GSAP: variants seen among roughly 807,000 people sequenced by gnomAD.
GSAP encodes the protein gamma-secretase activating protein.
Under a neutral mutation model 131.7 loss-of-function variants are expected in GSAP, and 118 were observed. The observed-to-expected ratio is 0.90, with a 90% CI of 0.77 to 1.04. GSAP has a LOEUF of 1.04. Ranked by LOEUF, GSAP falls within the 50% of genes least tolerant of loss-of-function variation. GSAP has a pLI of 0.00. For synonymous variants in GSAP, 381 were observed against 363.4 expected, an observed-to-expected ratio of 1.05 and a Z score of -0.55; for missense variants, 1,019 against 1,013.2, an observed-to-expected ratio of 1.01 and a Z score of -0.08.
chr7:77,389,011 T>G (rs1401212202), intron 5 of GSAP, among the ~76,000 whole-genome samples: 1 of 152,140 alleles, frequency 6.6e-6, no homozygotes, highest in African/African-American at 2.4e-5. Flanking sequence ...TGAGTTACTT[T>G]GGGAATCTAC....
intron 1 of GSAP, among the ~76,000 whole-genome samples, chr7:77,413,790 G>T (rs780876589): frequency 4.6e-5 from 7 of 151,950 alleles, no homozygotes; most frequent in Non-Finnish European, 1.0e-4. Flanking sequence ...GCACATAAGA[G>T]ACTTCAAGAG....
At chr7:77,385,598 C>A (rs1798448957) in intron 6 of GSAP, among the ~76,000 whole-genome samples, 1 of 152,126 alleles carries the variant, frequency 6.6e-6, no homozygotes, top group African/African-American at 2.4e-5. Flanking sequence ...TCCCCAGCCT[C>A]CCCACATTGA....
chr7:77,312,760 G>A (rs927503599), intron 28 of GSAP, among the ~76,000 whole-genome samples: 6 of 152,248 alleles, frequency 3.9e-5, no homozygotes, highest in African/African-American at 1.4e-4. Context: ...GGTCCAGAAA[G>A]GTAACAGACA....
intron 12 of GSAP, among the ~76,000 whole-genome samples, chr7:77,368,611 T>C (rs1217620033): frequency 3.9e-5 from 6 of 152,218 alleles, no homozygotes; most frequent in African/African-American, 9.6e-5. Context: ...TGAACCCAGA[T>C]TGAGAACCAC....
intron 6 of GSAP, 82 bp from the exon 7 acceptor site, chr7:77,382,725 C>T (rs6972651): frequency 0.11 from 77,272 of 725,192 alleles, 5,414 homozygotes; most frequent in South Asian, 0.24. Flanking sequence ...GATGACTGTA[C>T]TATTACATAC....
intron 5 of GSAP, among the ~76,000 whole-genome samples, chr7:77,391,627 C>T (rs4729373): frequency 0.12 from 18,685 of 152,040 alleles, 1,649 homozygotes; most frequent in East Asian, 0.4. Flanking sequence ...AATTTGAGAC[C>T]AGCCTGGGCA....
chr7:77,343,861 C>T lies in GSAP; in HGVS notation c.1545+5490G>A, dbSNP rs560732425. Among the ~76,000 whole-genome samples the T allele has an allele frequency of 1.4e-3, 217 of 152,284 alleles. 2 individuals are homozygous for T. Among genetic ancestry groups the T allele is most frequent in the African/African-American group, 5.0e-3 (206 of 41,542 alleles). On this transcript the variant is annotated intron_variant, in intron 19 of 30. Coordinates refer to ENST00000257626, the MANE Select transcript of GSAP (RefSeq NM_017439.4). ...CGCTAGCCCATCTCTTAGAACCTCTCGTTTCCTTTCCACCGTGGAAATCTA... is the reference window on the plus strand; with the variant it reads ...CGCTAGCCCATCTCTTAGAACCTCTTGTTTCCTTTCCACCGTGGAAATCTA...
chr7:77,357,931 T>C (rs1793995829), intron 14 of GSAP, among the ~76,000 whole-genome samples: 1 of 152,240 alleles, frequency 6.6e-6, no homozygotes. Context: ...ATACAGGATA[T>C]GCTAACTAGC....
chr7:77,338,183 A>G (rs1020695262), intron 19 of GSAP, among the ~76,000 whole-genome samples: 1 of 151,816 alleles, frequency 6.6e-6, no homozygotes, highest in Non-Finnish European at 1.5e-5. Context: ...AATCAATCAA[A>G]ATTTTTTAAA....
At chr7:77,390,946 T>TA (rs71085453) in intron 5 of GSAP, among the ~76,000 whole-genome samples, 2,095 of 37,820 alleles carry the variant, frequency 0.055, 680 homozygotes, top group Non-Finnish European at 0.087. Flanking sequence ...AGACTCCGTC[T>TA]AAAAAAAAAA....
intron 1 of GSAP, among the ~76,000 whole-genome samples, chr7:77,407,703 T>C (rs1178384425): frequency 1.3e-5 from 2 of 152,160 alleles, no homozygotes; most frequent in Admixed American, 6.5e-5. Flanking sequence ...GGAGTATAAA[T>C]TGGAAAACTG....
chr7:77,362,035 T>A (rs974733716), intron 13 of GSAP, among the ~76,000 whole-genome samples: 1 of 152,130 alleles, frequency 6.6e-6, no homozygotes, highest in Non-Finnish European at 1.5e-5. Context: ...TTAGGATTGG[T>A]CCACAAGCCT....
intron 19 of GSAP, among the ~76,000 whole-genome samples, chr7:77,332,968 A>G (rs193061107): frequency 7.9e-5 from 12 of 152,286 alleles, no homozygotes; most frequent in Admixed American, 5.9e-4. Flanking sequence ...AGAGATCAAG[A>G]CCATCCTGGC....
intron 22 of GSAP, 71 bp downstream of exon 22, chr7:77,328,535 G>T: frequency 6.4e-7 from 1 of 1,570,754 alleles, no homozygotes. Context: ...ACCCACAGTG[G>T]TAGGAAGAAC....
intron 12 of GSAP, among the ~76,000 whole-genome samples, chr7:77,372,659 T>TA (rs1412729301): frequency 2.0e-5 from 3 of 152,250 alleles, no homozygotes; most frequent in Non-Finnish European, 4.4e-5. Flanking sequence ...TATGATTGTA[T>TA]AAGTAAAAGG....
At chr7:77,410,565 A>G (rs777797849) in intron 1 of GSAP, among the ~76,000 whole-genome samples, 2 of 152,242 alleles carry the variant, frequency 1.3e-5, no homozygotes, top group Non-Finnish European at 2.9e-5. Flanking sequence ...ATACTTGCAT[A>G]GGTAAACCTA....
At chr7:77,316,765 A>G (rs1306282382) in intron 26 of GSAP, among the ~76,000 whole-genome samples, 1 of 152,142 alleles carries the variant, frequency 6.6e-6, no homozygotes, top group Non-Finnish European at 1.5e-5. Flanking sequence ...CTTGGCCTCT[A>G]TACATCAGCT....
intron 5 of GSAP, among the ~76,000 whole-genome samples, chr7:77,391,693 G>C (rs1799574060): frequency 6.6e-6 from 1 of 152,042 alleles, no homozygotes; most frequent in African/African-American, 2.4e-5. Flanking sequence ...GAACAAGCTG[G>C]ACATGGTGGT....
At chr7:77,328,402 C>T (rs1345244861) in intron 22 of GSAP, 4 of 1,289,084 alleles carry the variant, frequency 3.1e-6, no homozygotes, top group Non-Finnish European at 3.9e-6. Flanking sequence ...AAAGCACATT[C>T]AGCAGCTGTC....
Sources: allele counts gnomAD v4.1 joint callset (sites outside exome capture counted in the v4.1 genomes callset), GRCh38; gene constraint gnomAD v4.1.1; transcripts MANE v1.5; gene names NCBI Gene and HGNC (gene_info 2026-07-23, HGNC 2026-07-21).